The following FAM81A variants were observed in gnomAD, a reference collection of about 807,000 sequenced individuals.
The protein encoded by FAM81A is protein FAM81A.
A neutral mutation model predicts 46.7 loss-of-function variants in FAM81A; 19 were observed. The ratio of observed to expected loss-of-function variants is 0.41; its 90% CI spans 0.28 to 0.60. The LOEUF (loss-of-function observed/expected upper bound fraction) is 0.60. FAM81A is among the 20% of genes least tolerant of loss of function. The probability of loss-of-function intolerance (pLI) is 0.34; values close to 1 mark genes in which losing one functional copy is unlikely to be tolerated. For missense variants in FAM81A, 377 were observed against 453.5 expected, an observed-to-expected ratio of 0.83 and a Z score of 1.53; for synonymous variants, 183 against 152.9, an observed-to-expected ratio of 1.20 and a Z score of -1.45.
chr15:59,519,662 T>G (rs2082307965), intron 8 of FAM81A, among the ~76,000 whole-genome samples: 1 of 150,618 alleles, frequency 6.6e-6, no homozygotes. Flanking sequence ...TCGTGCAGTA[T>G]TTTTCTTTCT....
intron 2 of FAM81A, among the ~76,000 whole-genome samples, chr15:59,402,572 ACT>A (rs1415868287): frequency 6.6e-6 from 1 of 152,054 alleles, no homozygotes; most frequent in African/African-American, 2.4e-5. Context: ...ACAGCGTCTC[ACT>A]CTGTCTTCCA....
chr15:59,478,580 C>T (rs2081804107), intron 3 of FAM81A, among the ~76,000 whole-genome samples: 1 of 152,176 alleles, frequency 6.6e-6, no homozygotes, highest in East Asian at 1.9e-4. Flanking sequence ...TTTCAGCCTG[C>T]AGCTCTGTGA....
At position 59,492,304 on chromosome 15, in the gene FAM81A, A is replaced by T; in HGVS notation, c.328A>T (p.Ile110Phe). Residue 110 changes from isoleucine to phenylalanine, a missense_variant, in exon 4 of 9, where the codon ATT becomes TTT. Coordinates refer to ENST00000288228, the MANE Select transcript of FAM81A (RefSeq NM_152450.3). ...GGAGCAGATTCGTGCCCGGGACAACATTAGCTATGGAACTAATTCTGCCTT... is the reference window on the plus strand; with the variant it reads ...GGAGCAGATTCGTGCCCGGGACAACTTTAGCTATGGAACTAATTCTGCCTT... ...LQEQIRARDN[I>F]SYGTNSALKT... 6.2e-7 allele frequency: 1 copy of T among 1,613,800 alleles called. No homozygotes were observed. The highest frequency in any genetic ancestry group is 8.5e-7 in the Non-Finnish European group (1 of 1,179,792).
At chr15:59,499,031 T>G (rs1012717721) in intron 4 of FAM81A, among the ~76,000 whole-genome samples, 2 of 152,198 alleles carry the variant, frequency 1.3e-5, no homozygotes, top group Non-Finnish European at 2.9e-5. Flanking sequence ...TTTCCTAGTT[T>G]CCTAGTTTGT....
chr15:59,433,557 C>A (rs2081230335), upstream of FAM81A, among the ~76,000 whole-genome samples: 1 of 151,978 alleles, frequency 6.6e-6, no homozygotes, highest in Admixed American at 6.6e-5. Flanking sequence ...AGAGAATGAG[C>A]CTATACATGA....
intron 2 of FAM81A, among the ~76,000 whole-genome samples, chr15:59,421,487 C>T (rs527421259): frequency 6.6e-6 from 1 of 152,228 alleles, no homozygotes; most frequent in Admixed American, 6.5e-5. Flanking sequence ...TAAGACTTCC[C>T]CCAAGTCTGC....
At chr15:59,419,537 C>T (rs2081161580) in intron 2 of FAM81A, among the ~76,000 whole-genome samples, 2 of 152,118 alleles carry the variant, frequency 1.3e-5, no homozygotes, top group South Asian at 2.1e-4. Context: ...TCATTACCCT[C>T]TCTTTCATTT....
chr15:59,489,351 G>T (rs186918753), intron 3 of FAM81A, among the ~76,000 whole-genome samples: 5 of 151,322 alleles, frequency 3.3e-5, no homozygotes, highest in East Asian at 3.9e-4. Flanking sequence ...ATTAACCAAA[G>T]AAGTGAAAGA....
intron 2 of FAM81A, among the ~76,000 whole-genome samples, chr15:59,431,356 T>C (rs1293690491): frequency 1.3e-5 from 2 of 152,098 alleles, no homozygotes; most frequent in Non-Finnish European, 2.9e-5. Context: ...TGCCTCAGCC[T>C]CCTGAGTAGC....
chr15:59,414,485 G>A (rs1204503275), intron 2 of FAM81A, among the ~76,000 whole-genome samples: 1 of 152,192 alleles, frequency 6.6e-6, no homozygotes, highest in Non-Finnish European at 1.5e-5. Flanking sequence ...ACAGGGGAGA[G>A]AGGAGGAGGT....
At chr15:59,405,879 T>G (rs2081092102) in intron 2 of FAM81A, among the ~76,000 whole-genome samples, 1 of 152,228 alleles carries the variant, frequency 6.6e-6, no homozygotes, top group Non-Finnish European at 1.5e-5. Flanking sequence ...GCACATTCAG[T>G]TGTCCCGATT....
In FAM81A at chr15:59,460,301, G is replaced by A. The variant is rs1227513871; in HGVS notation, c.294+95G>A. 6 of 1,501,666 alleles carry A rather than the reference G, an allele frequency of 4.0e-6. No homozygotes were observed. Among genetic ancestry groups the A allele is most frequent in the Non-Finnish European group, 5.5e-6 (6 of 1,081,300 alleles). The allele number at this position is 1,501,666 out of a possible 1,614,324, so 93.0% of individuals were successfully genotyped here. A position where few individuals can be genotyped will look rare whatever the true frequency, so the allele number is the denominator to read the frequency against. ...ACATCTAACTCCTACCTCCCAGGCA[G>A]TACTGCATTTAGAACAAAGCTGTCT... On this transcript the variant is annotated intron_variant, in intron 3 of 8. Coordinates refer to ENST00000288228, the MANE Select transcript of FAM81A (RefSeq NM_152450.3). This position sits in a 1 kb window ranked among gnomAD's most constrained non-coding sequence, Gnocchi z 4.4.
At chr15:59,515,128 C>G (rs2082253379) in intron 7 of FAM81A, among the ~76,000 whole-genome samples, 1 of 152,120 alleles carries the variant, frequency 6.6e-6, no homozygotes, top group Non-Finnish European at 1.5e-5. Flanking sequence ...GCTTGTAGTC[C>G]CAGCTACTCA....
At chr15:59,514,079 T>TG (rs368329023) in intron 6 of FAM81A, among the ~76,000 whole-genome samples, 38 of 132,414 alleles carry the variant, frequency 2.9e-4, no homozygotes, top group Admixed American at 9.4e-4. Context: ...CTTGGGGGCA[T>TG]GGGGGGGGCA....
chr15:59,503,099 G>A (rs1164084462), intron 4 of FAM81A, among the ~76,000 whole-genome samples: 1 of 151,862 alleles, frequency 6.6e-6, no homozygotes, highest in Non-Finnish European at 1.5e-5. Flanking sequence ...AAAATTAGCT[G>A]GGCCTGGTAG....
At chr15:59,439,453 C>G (rs1414842533) in intron 1 of FAM81A, among the ~76,000 whole-genome samples, 1 of 151,906 alleles carries the variant, frequency 6.6e-6, no homozygotes, top group Non-Finnish European at 1.5e-5. Flanking sequence ...TTAGCGTTGA[C>G]TGGTACTAAA....
At chr15:59,450,998 G>A (rs537964657) in intron 1 of FAM81A, among the ~76,000 whole-genome samples, 3 of 152,310 alleles carry the variant, frequency 2.0e-5, no homozygotes, top group African/African-American at 7.2e-5. Flanking sequence ...CATGCAAGGT[G>A]TGAACACCAA....
Position 59,516,650 on chromosome 15 carries a change from C to A in FAM81A, c.792C>A (p.Ala264=), listed in dbSNP as rs566414651. 2.9e-5 allele frequency: 47 copies of A among 1,609,214 alleles called. No individual in the cohort carries two copies. In the South Asian group the frequency reaches 5.2e-4, roughly 18 times the overall value. The change falls in exon 8 of 9, where the codon GCC becomes GCA. Residue 264 remains alanine (A), a synonymous_variant. Coordinates refer to ENST00000288228, the MANE Select transcript of FAM81A (RefSeq NM_152450.3). ...GTTCTTATCATGGATCTCAGGGAGC[C>A]AGTGAAAGGGATATGGAGAAGAAGC... ...LSLIVKENSG[A]SERDMEKKLS... is the part of the protein sequence containing the mutation.
intron 3 of FAM81A, among the ~76,000 whole-genome samples, chr15:59,482,047 C>T (rs947275725): frequency 1.3e-5 from 2 of 152,034 alleles, no homozygotes. Flanking sequence ...CATGCGCAGC[C>T]TCTCCCACTA....
Sources: allele counts gnomAD v4.1 joint callset (sites outside exome capture counted in the v4.1 genomes callset), GRCh38; gene constraint gnomAD v4.1.1; non-coding constraint Gnocchi (gnomAD v3.1); transcripts MANE v1.5; gene names NCBI Gene and HGNC (gene_info 2026-07-23, HGNC 2026-07-21).